DDR2: variants seen among roughly 807,000 people sequenced by gnomAD.
The protein encoded by DDR2 is discoidin domain receptor tyrosine kinase 2.
A neutral mutation model predicts 94.9 loss-of-function variants in DDR2; 27 were observed. That is an observed-to-expected ratio of 0.28 (90% CI 0.21 to 0.39). The LOEUF (loss-of-function observed/expected upper bound fraction) is 0.39. DDR2 is among the 10% of genes least tolerant of loss of function. The probability of loss-of-function intolerance (pLI) is 1.00; values close to 1 mark genes in which losing one functional copy is unlikely to be tolerated. For missense variants in DDR2, 783 were observed against 1,076.0 expected, an observed-to-expected ratio of 0.73 and a Z score of 3.81; for synonymous variants, 382 against 377.2, an observed-to-expected ratio of 1.01 and a Z score of -0.15.
At chr1:162,780,068 T>C (rs1442327862) in intron 17 of DDR2, 44 bp from the exon 18 acceptor site, 1 of 1,606,008 alleles carries the variant, frequency 6.2e-7, no homozygotes, top group East Asian at 2.2e-5. Context: ...TGTAATATTC[T>C]CTCTCTCTCT....
intron 1 of DDR2, among the ~76,000 whole-genome samples, chr1:162,654,810 A>T (rs1234666241): frequency 1.3e-5 from 2 of 152,222 alleles, no homozygotes; most frequent in Non-Finnish European, 2.9e-5. Flanking sequence ...CCAGAAGCAG[A>T]TACGATAATC....
chr1:162,734,982 A>G (rs1257996165), intron 3 of DDR2, among the ~76,000 whole-genome samples: 6 of 152,164 alleles, frequency 3.9e-5, no homozygotes, highest in Admixed American at 1.3e-4. Context: ...GAGGTCATGG[A>G]GGTTGCGCAC....
intron 1 of DDR2, among the ~76,000 whole-genome samples, chr1:162,641,647 G>A (rs150289322): frequency 2.0e-4 from 30 of 152,242 alleles, no homozygotes; most frequent in African/African-American, 7.0e-4. Context: ...TTTTTAGAGG[G>A]CAGTAATTGA....
intron 3 of DDR2, among the ~76,000 whole-genome samples, chr1:162,722,498 A>G (rs1023693143): frequency 3.9e-5 from 6 of 152,232 alleles, no homozygotes; most frequent in Non-Finnish European, 4.4e-5. Flanking sequence ...GCAGTTTCTT[A>G]TGTCAAAATC....
intron 1 of DDR2, 54 bp downstream of exon 1, chr1:162,632,685 G>A (rs935237712): frequency 3.3e-5 from 5 of 152,128 alleles, no homozygotes; most frequent in African/African-American, 9.7e-5. Context: ...GAAAATGAAA[G>A]CTCCGCATAT....
intron 9 of DDR2, among the ~76,000 whole-genome samples, chr1:162,762,550 AT>A (rs1163995160): frequency 3.9e-5 from 6 of 152,162 alleles, no homozygotes; most frequent in Non-Finnish European, 8.8e-5. Flanking sequence ...CTAAATGACG[AT>A]TTTCTAATTC....
Position 162,782,208 on chromosome 1 carries a change from C to G in DDR2, c.*1962C>G, listed in dbSNP as rs1404275352. On this transcript the variant is annotated 3_prime_UTR_variant, in exon 18 of 18. Coordinates refer to ENST00000367921, the MANE Select transcript of DDR2 (RefSeq NM_006182.4). Reference sequence around the variant, plus strand: ...ATCTTGGCTAAATCACTTGGTCTTTCTGCATTTTGTTTTCTTATTTATAGG... The same window carrying G: ...ATCTTGGCTAAATCACTTGGTCTTTGTGCATTTTGTTTTCTTATTTATAGG... The G allele has an allele frequency of 6.6e-6, 1 of 152,176 alleles. No homozygotes were observed. The highest frequency in any genetic ancestry group is 1.5e-5 in the Non-Finnish European group (1 of 68,052). The allele number at this position is 152,176 out of a possible 1,614,324, so 9.4% of individuals were successfully genotyped here. A position where few individuals can be genotyped will look rare whatever the true frequency, so the allele number is the denominator to read the frequency against.
intron 3 of DDR2, among the ~76,000 whole-genome samples, chr1:162,734,362 C>T (rs899800847): frequency 9.2e-5 from 14 of 152,256 alleles, no homozygotes; most frequent in East Asian, 7.7e-4. Flanking sequence ...TTTCAATAGA[C>T]GTTTATTGAG....
intron 7 of DDR2, among the ~76,000 whole-genome samples, chr1:162,758,236 T>C (rs573140071): frequency 6.6e-6 from 1 of 152,258 alleles, no homozygotes; most frequent in South Asian, 2.1e-4. Context: ...AGTAATGAAA[T>C]ATCTGGTGGA....
chr1:162,777,023 T>G (rs892252752), intron 16 of DDR2, among the ~76,000 whole-genome samples: 4 of 152,176 alleles, frequency 2.6e-5, no homozygotes, highest in African/African-American at 4.8e-5. Flanking sequence ...TTATCTTTTT[T>G]CTTGTGTGAC....
Position 162,786,555 on chromosome 1 carries a change from T to A in DDR2, c.*6309T>A, listed in dbSNP as rs536893474. On this transcript the variant is annotated 3_prime_UTR_variant, in exon 18 of 18. Transcript: ENST00000367921. ...ATGATAAATTGTAAATAACAATGAT[T>A]AAAGAGTCATGCTACTGATGGATCT... 3.3e-5 allele frequency: 5 copies of A among 152,364 alleles called. No homozygotes were observed. The East Asian group carries it at 7.7e-4, about 23-fold the overall frequency. The allele number at this position is 152,364 out of a possible 1,614,324, so 9.4% of individuals were successfully genotyped here.
In DDR2 at chr1:162,687,696, T is replaced by A. The variant is rs568101706; in HGVS notation, c.-27-31341T>A. On this transcript the variant is annotated intron_variant, in intron 2 of 17. Coordinates refer to ENST00000367921, the MANE Select transcript of DDR2 (RefSeq NM_006182.4). The stretch of plus-strand genomic sequence containing the variant: ...TTCCGGTGGGGATGGAGGAGGTGTC[T>A]GATGTACAGAACCAGGGGGATGCTG... Among the ~76,000 whole-genome samples, 6 of 152,210 alleles carry A rather than the reference T, an allele frequency of 3.9e-5. No homozygotes were observed. In the South Asian group the frequency reaches 1.2e-3, roughly 32 times the overall value.
At chr1:162,652,572 G>A (rs1011574279) in intron 1 of DDR2, among the ~76,000 whole-genome samples, 4 of 152,126 alleles carry the variant, frequency 2.6e-5, no homozygotes, top group East Asian at 1.9e-4. Context: ...CAGCACATAC[G>A]ATCAGCCCCA....
Position 162,755,723 on chromosome 1 carries a change from A to T in DDR2, c.625A>T (p.Ile209Phe). 6.2e-7 allele frequency: 1 copy of T among 1,614,190 alleles called. No individual in the cohort carries two copies. Among genetic ancestry groups the T allele is most frequent in the East Asian group, 2.2e-5 (1 of 44,884 alleles). Residue 209 changes from isoleucine to phenylalanine, a missense_variant, in exon 7 of 18, where the codon ATC becomes TTC. Transcript: ENST00000367921. ...GCAGTTTGTACTCCCTGGAGGTTCC[A>T]TCATTTATCTGAATGATTCTGTCTA... Reference protein sequence around the residue: ...GQQFVLPGGSIIYLNDSVYDG... With the variant: ...GQQFVLPGGSFIYLNDSVYDG...
intron 7 of DDR2, among the ~76,000 whole-genome samples, chr1:162,758,769 A>T (rs937937800): frequency 6.6e-6 from 1 of 152,290 alleles, no homozygotes; most frequent in Non-Finnish European, 1.5e-5. Flanking sequence ...CATATTATTG[A>T]TCTAGCTCTA....
At chr1:162,739,161 G>A (rs1174652070) in intron 3 of DDR2, among the ~76,000 whole-genome samples, 1 of 134,112 alleles carries the variant, frequency 7.5e-6, no homozygotes, top group African/African-American at 2.8e-5. Context: ...TACCATCAGA[G>A]TGAACAGGCA....
At chr1:162,662,349 A>G (rs966221852) in intron 2 of DDR2, among the ~76,000 whole-genome samples, 3 of 152,170 alleles carry the variant, frequency 2.0e-5, no homozygotes, top group African/African-American at 4.8e-5. Flanking sequence ...TGAGCTAACT[A>G]ACACCTCATT....
intron 1 of DDR2, among the ~76,000 whole-genome samples, chr1:162,654,121 A>C (rs1175339517): frequency 6.6e-6 from 1 of 152,166 alleles, no homozygotes; most frequent in African/African-American, 2.4e-5. Flanking sequence ...ATAGCATACT[A>C]ATATTCAACT....
chr1:162,725,627 C>T (rs1558048032), intron 3 of DDR2, among the ~76,000 whole-genome samples: 1 of 152,156 alleles, frequency 6.6e-6, no homozygotes, highest in East Asian at 1.9e-4. Flanking sequence ...TCCTAAAGTG[C>T]TGGGATTACA....
Sources: gnomAD v4.1 joint callset for allele counts (sites outside exome capture counted in the v4.1 genomes callset) on GRCh38, gnomAD v4.1.1 for gene constraint, MANE v1.5 for transcripts, NCBI Gene and HGNC (gene_info 2026-07-23, HGNC 2026-07-21) for gene names.